The following MRPL1 variants were observed in gnomAD, a reference collection of about 807,000 sequenced individuals.
The protein encoded by MRPL1 is large ribosomal subunit protein uL1m.
MRPL1 carries 28 observed loss-of-function variants against 38.0 expected under a neutral mutation model. The ratio of observed to expected loss-of-function variants is 0.74; its 90% confidence interval spans 0.55 to 1.01. The LOEUF (loss-of-function observed/expected upper bound fraction) is 1.01, where lower values mean the gene tolerates loss of function less well. MRPL1 is among the 50% of genes least tolerant of loss of function. The pLI, the probability that MRPL1 is intolerant of heterozygous loss-of-function variation, is 0.00. For missense variants in MRPL1, 358 were observed against 389.8 expected (o/e 0.92, Z 0.69); for synonymous variants, 123 against 126.7 (o/e 0.97, Z 0.20).
chr4:77,885,643 G>T (rs1235967012), intron 4 of MRPL1, among the ~76,000 whole-genome samples: 4 of 152,160 alleles, frequency 2.6e-5, no homozygotes, highest in Non-Finnish European at 2.9e-5. Context: ...GGGATTACAG[G>T]TGTGAGCCAC....
chr4:77,916,106 CAAAAAA>C (rs1201443202), intron 7 of MRPL1, among the ~76,000 whole-genome samples: 1 of 151,930 alleles, frequency 6.6e-6, no homozygotes, highest in Non-Finnish European at 1.5e-5. Context: ...GGCAGATTCT[CAAAAAA>C]TGAATTTGAG....
rs993106673 is a variant in MRPL1 at position 77,946,309 on chromosome 4, G to C, written c.778-3488G>C. On this transcript the variant is annotated intron_variant, in intron 7 of 8. Coordinates refer to ENST00000315567, the MANE Select transcript of MRPL1 (RefSeq NM_020236.4). ...TCAGACCTCATGGCTCTCTTCCCTT[G>C]TTCCCTAAAATCGCTGTTATTCTGT... is the stretch of plus-strand genomic sequence containing the variant. 2.0e-5 allele frequency among the ~76,000 whole-genome samples: 3 copies of C among 151,424 alleles called. No homozygotes were observed. The South Asian group carries it at 6.2e-4, about 31-fold the overall frequency.
chr4:77,943,285 G>T (rs1185185009), intron 7 of MRPL1, among the ~76,000 whole-genome samples: 3 of 151,954 alleles, frequency 2.0e-5, no homozygotes, highest in Non-Finnish European at 2.9e-5. Context: ...AGGTTACCTG[G>T]TGCTTTTCCT....
At chr4:77,875,741 C>T (rs989044425) in intron 2 of MRPL1, among the ~76,000 whole-genome samples, 1 of 151,996 alleles carries the variant, frequency 6.6e-6, no homozygotes, top group Non-Finnish European at 1.5e-5. Context: ...CATATACAAA[C>T]ATAACTAATT....
chr4:77,887,152 C>A, intron 4 of MRPL1, 68 bp from the exon 5 acceptor site: 1 of 1,219,892 alleles, frequency 8.2e-7, no homozygotes, highest in Non-Finnish European at 1.2e-6. Flanking sequence ...TTTCTGACAA[C>A]ATACTTCAAA....
At chr4:77,909,421 A>G (rs1736236884) in intron 7 of MRPL1, 49 bp downstream of exon 7, 1 of 1,123,488 alleles carries the variant, frequency 8.9e-7, no homozygotes, top group Non-Finnish European at 1.3e-6. Flanking sequence ...TTGTTGTTCA[A>G]GTATTCTTCA....
At chr4:77,896,377 C>T (rs1186156638) in intron 6 of MRPL1, among the ~76,000 whole-genome samples, 1 of 152,102 alleles carries the variant, frequency 6.6e-6, no homozygotes, top group African/African-American at 2.4e-5. Context: ...TGCGTAGGCA[C>T]CTTGAGTGAA....
intron 1 of MRPL1, 35 bp from the exon 2 acceptor site, chr4:77,871,709 T>C (rs1478491749): frequency 8.4e-6 from 8 of 952,026 alleles, no homozygotes; most frequent in Non-Finnish European, 1.3e-5. Context: ...TAATGATTAT[T>C]TAATGTTAAT....
intron 2 of MRPL1, among the ~76,000 whole-genome samples, chr4:77,879,152 CT>C (rs1041827174): frequency 1.3e-5 from 2 of 152,124 alleles, no homozygotes; most frequent in African/African-American, 4.8e-5. Context: ...CCTGATAGAG[CT>C]TTATATAATT....
chr4:77,904,584 G>C (rs1218093745), intron 6 of MRPL1, among the ~76,000 whole-genome samples: 3 of 151,950 alleles, frequency 2.0e-5, no homozygotes, highest in Non-Finnish European at 4.4e-5. Flanking sequence ...TTAAAAGAGA[G>C]AATGATTTTT....
intron 7 of MRPL1, 146 bp from the exon 8 acceptor site, chr4:77,949,651 C>CA: frequency 2.2e-6 from 1 of 460,034 alleles, no homozygotes; most frequent in Non-Finnish European, 3.8e-6. Flanking sequence ...GCATTCGAAA[C>CA]AAAGAGCTAT....
At chr4:77,882,516 A>G (rs1735568887) in intron 2 of MRPL1, among the ~76,000 whole-genome samples, 1 of 152,092 alleles carries the variant, frequency 6.6e-6, no homozygotes, top group South Asian at 2.1e-4. Context: ...CTAGACAACC[A>G]CCAGATCTAC....
rs763695486 is a variant in MRPL1 at position 77,887,189 on chromosome 4, G to T, written c.487-31G>T. ...CAGACTGAATATATTTAAAATTAAT[G>T]ATTGATTTTCAAATTATTGTGTTTT... On this transcript the variant is annotated intron_variant, in intron 4 of 8. Coordinates refer to ENST00000315567, the MANE Select transcript of MRPL1 (RefSeq NM_020236.4). The T allele has an allele frequency of 5.9e-6, 9 of 1,520,840 alleles. No homozygotes were observed. In the East Asian group the frequency reaches 6.8e-5, roughly 11 times the overall value. The allele number at this position is 1,520,840 out of a possible 1,614,324, so 94.2% of individuals were successfully genotyped here. A position where few individuals can be genotyped will look rare whatever the true frequency, so the allele number is the denominator to read the frequency against.
chr4:77,938,962 G>C (rs1249821781), intron 7 of MRPL1, among the ~76,000 whole-genome samples: 1 of 152,130 alleles, frequency 6.6e-6, no homozygotes, highest in Non-Finnish European at 1.5e-5. Flanking sequence ...GGTGGTGTTT[G>C]GTTACAGGAG....
chr4:77,867,031 C>A (rs1735163423), intron 1 of MRPL1, among the ~76,000 whole-genome samples: 1 of 152,126 alleles, frequency 6.6e-6, no homozygotes, highest in African/African-American at 2.4e-5. Flanking sequence ...CAGGCATGAG[C>A]CACCATGCCT....
intron 7 of MRPL1, among the ~76,000 whole-genome samples, chr4:77,921,454 G>T (rs1031572797): frequency 2.6e-5 from 4 of 152,150 alleles, no homozygotes; most frequent in African/African-American, 9.7e-5. Flanking sequence ...TGAAATAAGA[G>T]AACAAGTTAT....
chr4:77,865,535 A>AT (rs1029525657), intron 1 of MRPL1, among the ~76,000 whole-genome samples: 57 of 147,268 alleles, frequency 3.9e-4, no homozygotes, highest in African/African-American at 1.3e-3. Flanking sequence ...TGACCAGCTA[A>AT]TTTTTTTTTT....
Position 77,894,209 on chromosome 4 carries a change from TAAGGAAGAA to T in MRPL1, c.631_639del (p.Arg211_Lys213del), listed in dbSNP as rs1344359233. On this transcript the variant is annotated inframe_deletion, in exon 6 of 9. Transcript: ENST00000315567. ...GAAATAATGCCTGAACTTAATCGAT[TAAGGAAGAA>T]ACTGAATAAAAAATATCCAAAGCTT... 10 of 1,605,366 alleles carry T rather than the reference TAAGGAAGAA, an allele frequency of 6.2e-6. No individual in the cohort carries two copies. The African/African-American group carries it at 1.2e-4, about 19-fold the overall frequency.
Position 77,947,423 on chromosome 4 carries a change from G to A in MRPL1, c.778-2374G>A, listed in dbSNP as rs569877213. Among the ~76,000 whole-genome samples the A allele has an allele frequency of 2.0e-5, 3 of 152,270 alleles. No homozygotes were observed. In the South Asian group the frequency reaches 6.2e-4, roughly 32 times the overall value. The stretch of plus-strand genomic sequence containing the variant: ...AGGCACAAATATGGTGCTTAACATA[G>A]TCCTATATCCCCTTCAAGATCAACC... On this transcript the variant is annotated intron_variant, in intron 7 of 8. Transcript: ENST00000315567.
Sources: allele counts gnomAD v4.1 joint callset (sites outside exome capture counted in the v4.1 genomes callset), GRCh38; gene constraint gnomAD v4.1.1; transcripts MANE v1.5; gene names NCBI Gene and HGNC (gene_info 2026-07-23, HGNC 2026-07-21).